The following ITGB5 variants were observed in gnomAD, a reference collection of about 807,000 sequenced individuals.
The protein encoded by ITGB5 is integrin subunit beta 5.
In ITGB5, 38 loss-of-function variants were observed where a neutral mutation model predicts 84.8. That is an observed-to-expected ratio of 0.45 (90% CI 0.35 to 0.59). ITGB5 has a LOEUF of 0.59. ITGB5 is among the 20% of genes least tolerant of loss of function. The pLI is 0.01. For missense variants in ITGB5, 905 were observed against 1,034.5 expected (o/e 0.87, Z 1.72); for synonymous variants, 393 against 414.4 (o/e 0.95, Z 0.63).
At chr3:124,835,674 T>TG in intron 5 of ITGB5, among the ~76,000 whole-genome samples, 2 of 150,758 alleles carry the variant, frequency 1.3e-5, no homozygotes, top group South Asian at 4.2e-4. Context: ...GTTTGAGGAG[T>TG]GGGGGGATGC....
At chr3:124,832,976 T>C (rs2064880421) in intron 5 of ITGB5, 2 of 152,192 alleles carry the variant, frequency 1.3e-5, no homozygotes, top group Admixed American at 6.5e-5. Flanking sequence ...GTCTCTGTGA[T>C]TGGTTTCCCG....
chr3:124,896,044 A>T (rs889729001), intron 1 of ITGB5, among the ~76,000 whole-genome samples: 1 of 152,208 alleles, frequency 6.6e-6, no homozygotes, highest in Non-Finnish European at 1.5e-5. Flanking sequence ...TATGCCGACT[A>T]AAAATTCTTC....
intron 10 of ITGB5, among the ~76,000 whole-genome samples, chr3:124,782,730 C>T (rs561928385): frequency 6.3e-4 from 96 of 152,150 alleles, no homozygotes; most frequent in African/African-American, 2.3e-3. Context: ...TGGTGGCACA[C>T]GCTTGTAATC....
intron 5 of ITGB5, among the ~76,000 whole-genome samples, chr3:124,831,714 A>G (rs1371114442): frequency 6.6e-6 from 1 of 152,158 alleles, no homozygotes; most frequent in African/African-American, 2.4e-5. Flanking sequence ...CAATCTGCCT[A>G]ATTAAAATTA....
At chr3:124,797,469 A>G (rs1299646618) in intron 9 of ITGB5, among the ~76,000 whole-genome samples, 1 of 152,230 alleles carries the variant, frequency 6.6e-6, no homozygotes, top group Non-Finnish European at 1.5e-5. Flanking sequence ...GAGGTCTTAA[A>G]GAAGAGTCTC....
chr3:124,853,861 T>C (rs943953959), intron 3 of ITGB5, among the ~76,000 whole-genome samples: 2 of 152,222 alleles, frequency 1.3e-5, no homozygotes, highest in Non-Finnish European at 2.9e-5. Flanking sequence ...CTTGTGAGTC[T>C]AAAATTATTT....
At chr3:124,846,834 T>C (rs1326305381) in intron 4 of ITGB5, among the ~76,000 whole-genome samples, 1 of 152,012 alleles carries the variant, frequency 6.6e-6, no homozygotes, top group African/African-American at 2.4e-5. Flanking sequence ...CTCAGGAGAC[T>C]GGGGCAGGAG....
intron 3 of ITGB5, among the ~76,000 whole-genome samples, chr3:124,852,489 A>C (rs2065171164): frequency 6.6e-6 from 1 of 151,986 alleles, no homozygotes; most frequent in South Asian, 2.1e-4. Context: ...CATTTTGCAC[A>C]GAATTTCTGC....
At chr3:124,851,579 A>G (rs2065154603) in intron 3 of ITGB5, among the ~76,000 whole-genome samples, 1 of 150,762 alleles carries the variant, frequency 6.6e-6, no homozygotes, top group South Asian at 2.1e-4. Flanking sequence ...TCTTGGCATT[A>G]CATTCTAAGA....
intron 9 of ITGB5, among the ~76,000 whole-genome samples, chr3:124,801,367 G>C (rs1470889571): frequency 6.6e-6 from 1 of 152,194 alleles, no homozygotes; most frequent in Admixed American, 6.5e-5. Flanking sequence ...TTCAAGGTTT[G>C]ATTTAAGCCG....
At chr3:124,888,865 T>A (rs1206819236), upstream of ITGB5, among the ~76,000 whole-genome samples, 1 of 152,230 alleles carries the variant, frequency 6.6e-6, no homozygotes. Context: ...CTTTATTTCT[T>A]GGCCTCCTCC....
At chr3:124,834,556 G>GGAGAGGGAGGGAGGGA (rs2064904076) in intron 5 of ITGB5, among the ~76,000 whole-genome samples, 1 of 21,112 alleles carries the variant, frequency 4.7e-5, no homozygotes, top group African/African-American at 2.5e-4. Flanking sequence ...GAGGGAGCGG[G>GGAGAGGGAGGGAGGGA]GGGAGGGAGG....
At position 124,873,660 on chromosome 3, in the gene ITGB5, A is replaced by G. The variant is rs1018019005; in HGVS notation, c.71-129T>C. ...TCTGAGTCTAAAGGGTGCAGGTACC[A>G]TTGCTAATTGCAGGTTAAGGCTCAT... On this transcript the variant is annotated intron_variant, in intron 1 of 14. Transcript: ENST00000296181. The G allele has an allele frequency of 1.7e-5, 13 of 747,460 alleles. No individual in the cohort carries two copies. The African/African-American group carries it at 1.9e-4, about 11-fold the overall frequency. The allele number at this position is 747,460 out of a possible 1,614,324, so 46.3% of individuals were successfully genotyped here. A position where few individuals can be genotyped will look rare whatever the true frequency, so the allele number is the denominator to read the frequency against.
intron 5 of ITGB5, among the ~76,000 whole-genome samples, chr3:124,835,161 T>G (rs112075131): frequency 1.1e-4 from 17 of 151,906 alleles, no homozygotes; most frequent in Admixed American, 3.9e-4. Flanking sequence ...ACGCAAACTC[T>G]CCCACGTGCC....
chr3:124,829,689 C>A (rs2064832596), intron 5 of ITGB5, among the ~76,000 whole-genome samples: 1 of 152,212 alleles, frequency 6.6e-6, no homozygotes. Context: ...GGAAGAAGTG[C>A]TCCTCCCTCC....
At chr3:124,886,875 C>G in intron 1 of ITGB5, 56 bp downstream of exon 1, 1 of 1,122,600 alleles carries the variant, frequency 8.9e-7, no homozygotes, top group Non-Finnish European at 1.1e-6. Flanking sequence ...GAGACGCCCG[C>G]CCGCGGCTGA....
At position 124,761,992 on chromosome 3, in the gene ITGB5, C is replaced by T. The variant is rs933877783; in HGVS notation, c.*1631G>A. ...TATTTTTCTCAATTCAGAAAAGTCT[C>T]AACACCACAATTTATCTGTTTAATG... On this transcript the variant is annotated 3_prime_UTR_variant, in exon 15 of 15. Coordinates refer to ENST00000296181, the MANE Select transcript of ITGB5 (RefSeq NM_002213.5). The T allele has an allele frequency of 6.6e-6, 1 of 152,208 alleles. No homozygotes were observed. The highest frequency in any genetic ancestry group is 1.5e-5 in the Non-Finnish European group (1 of 68,032). 9.4% of individuals were successfully genotyped at this position (152,208 alleles called of 1,614,324 possible).
chr3:124,872,283 T>C (rs1417987114), intron 2 of ITGB5, among the ~76,000 whole-genome samples: 2 of 152,222 alleles, frequency 1.3e-5, no homozygotes, highest in African/African-American at 4.8e-5. Flanking sequence ...AGAGGTCAGA[T>C]TAAAACCCCA....
At chr3:124,783,643 T>C (rs1415883731) in intron 10 of ITGB5, among the ~76,000 whole-genome samples, 1 of 152,248 alleles carries the variant, frequency 6.6e-6, no homozygotes, top group Admixed American at 6.5e-5. Flanking sequence ...GTATTATTGA[T>C]ACCTGAAGAA....
Sources: allele counts gnomAD v4.1 joint callset (sites outside exome capture counted in the v4.1 genomes callset), GRCh38; gene constraint gnomAD v4.1.1; transcripts MANE v1.5; gene names NCBI Gene and HGNC (gene_info 2026-07-23, HGNC 2026-07-21).